Variants in DMXL1 observed in about 807,000 individuals in gnomAD.
DMXL1 encodes the protein dmX-like protein 1.
In DMXL1, 99 loss-of-function variants were observed where a neutral mutation model predicts 319.2. The observed-to-expected ratio is 0.31, with a 90% CI of 0.26 to 0.37. DMXL1 has a LOEUF of 0.37. Among genes scored for constraint, DMXL1 ranks in the 10% least tolerant of loss-of-function variants. The pLI, the probability that DMXL1 is intolerant of heterozygous loss-of-function variation, is 1.00. For missense variants in DMXL1, 3,745 were observed against 3,595.6 expected (o/e 1.04, Z -1.06); for synonymous variants, 1,385 against 1,235.2 (o/e 1.12, Z -2.54).
intron 16 of DMXL1, 122 bp from the exon 17 acceptor site, chr5:119,147,127 T>A (rs1028465879): frequency 7.1e-5 from 79 of 1,108,604 alleles, no homozygotes; most frequent in Non-Finnish European, 1.0e-4. Flanking sequence ...CTGTGAAGAA[T>A]CATATTAATA....
At position 119,245,133 on chromosome 5, in the gene DMXL1, T is replaced by TA. The variant is rs1258052778; in HGVS notation, c.8922+558dup. 4.7e-4 allele frequency among the ~76,000 whole-genome samples: 72 copies of TA among 152,318 alleles called. 1 individual carries two copies. Among genetic ancestry groups the TA allele is most frequent in the Non-Finnish European group, 8.8e-5 (6 of 68,024 alleles). Reference sequence around the variant, plus strand: ...AAATTGCTGGGTCTCACTCCAGAAATACTCAGTTGATAAGTAAGTCCAAGA... The same window carrying TA: ...AAATTGCTGGGTCTCACTCCAGAAATAACTCAGTTGATAAGTAAGTCCAAGA... On this transcript the variant is annotated intron_variant, in intron 43 of 43. Transcript: ENST00000539542.
chr5:119,194,189 A>T (rs1265198216), intron 30 of DMXL1, among the ~76,000 whole-genome samples: 1 of 152,128 alleles, frequency 6.6e-6, no homozygotes, highest in African/African-American at 2.4e-5. Flanking sequence ...TGAAATTGTT[A>T]AATTCCTTTC....
intron 2 of DMXL1, among the ~76,000 whole-genome samples, chr5:119,101,457 A>T (rs2149798280): frequency 6.6e-6 from 1 of 152,344 alleles, no homozygotes; most frequent in African/African-American, 2.4e-5. Context: ...CAATTTAAAG[A>T]GTAAATTCAA....
intron 9 of DMXL1, among the ~76,000 whole-genome samples, chr5:119,121,690 C>T (rs548379768): frequency 1.3e-5 from 2 of 152,240 alleles, no homozygotes; most frequent in Admixed American, 6.5e-5. Context: ...TCTCTCTACA[C>T]AGACACGGCA....
chr5:119,153,793 T>G (rs1194905635), intron 19 of DMXL1, among the ~76,000 whole-genome samples: 1 of 152,244 alleles, frequency 6.6e-6, no homozygotes, highest in Non-Finnish European at 1.5e-5. Flanking sequence ...ACAGGCATAC[T>G]CCTTTTTATT....
At chr5:119,159,479 C>G (rs562951806) in intron 19 of DMXL1, among the ~76,000 whole-genome samples, 1 of 152,192 alleles carries the variant, frequency 6.6e-6, no homozygotes. Flanking sequence ...TATTTCAGTT[C>G]TGGCAGGTTG....
chr5:119,224,509 G>C (rs1156968112), intron 37 of DMXL1, among the ~76,000 whole-genome samples, 200 bp from the exon 38 acceptor site: 1 of 151,968 alleles, frequency 6.6e-6, no homozygotes, highest in African/African-American at 2.4e-5. Flanking sequence ...ATCCTAGTCA[G>C]TAATGCCCAA....
At chr5:119,100,988 A>G (rs2149796124) in intron 2 of DMXL1, among the ~76,000 whole-genome samples, 1 of 151,920 alleles carries the variant, frequency 6.6e-6, no homozygotes, top group Non-Finnish European at 1.5e-5. Flanking sequence ...TCACCGTGTT[A>G]GCCAGGATGG....
At chr5:119,129,563 T>C in intron 10 of DMXL1, 140 bp downstream of exon 10, 2 of 631,090 alleles carry the variant, frequency 3.2e-6, no homozygotes, top group Non-Finnish European at 5.4e-6. Flanking sequence ...CATTTAATAA[T>C]CTAATGTAGA....
intron 1 of DMXL1, among the ~76,000 whole-genome samples, chr5:119,094,821 G>A (rs1057001679): frequency 1.3e-5 from 2 of 151,044 alleles, no homozygotes; most frequent in African/African-American, 4.9e-5. Flanking sequence ...CAAGTCTTCA[G>A]TAGAGGAAGT....
chr5:119,192,003 C>T (rs1473641989), intron 29 of DMXL1, among the ~76,000 whole-genome samples: 2 of 152,166 alleles, frequency 1.3e-5, no homozygotes, highest in Non-Finnish European at 2.9e-5. Flanking sequence ...ACTTACCAAG[C>T]TCTTTACTCA....
intron 35 of DMXL1, among the ~76,000 whole-genome samples, chr5:119,219,337 A>G (rs910363787): frequency 6.6e-6 from 1 of 152,200 alleles, no homozygotes; most frequent in Non-Finnish European, 1.5e-5. Context: ...ATACTGCAGA[A>G]AAAAGGGCAG....
At chr5:119,115,166 T>C (rs1760561609) in intron 6 of DMXL1, among the ~76,000 whole-genome samples, 1 of 152,198 alleles carries the variant, frequency 6.6e-6, no homozygotes. Flanking sequence ...ACCTACCTCA[T>C]AGGTCATTAA....
chr5:119,187,049 A>T (rs1470430747), intron 28 of DMXL1, among the ~76,000 whole-genome samples: 1 of 152,076 alleles, frequency 6.6e-6, no homozygotes, highest in African/African-American at 2.4e-5. Context: ...CGTTGTGCAC[A>T]TGTACGATAG....
rs762642726 is a variant in DMXL1, at chr5:119,149,168, G to A, written c.3341G>A (p.Ser1114Asn). ...TVLDSGISVD[S>N]NLVAYNKQDM... ...TTGGATTCTGGCATTAGTGTTGATA[G>A]CAATTTAGTGGCCTATAATAAACAA... Residue 1114 changes from serine (S) to asparagine (N), a missense_variant, in exon 18 of 44, where the codon AGC becomes AAC. Physicochemically the swap from Ser to Asn is conservative, Grantham distance 46. Transcript: ENST00000539542. 1.9e-6 allele frequency: 3 copies of A among 1,613,674 alleles called. No homozygotes were observed. Among genetic ancestry groups the A allele is most frequent in the African/African-American group, 2.7e-5 (2 of 74,894 alleles).
intron 10 of DMXL1, chr5:119,132,502 A>T (rs1235941250): frequency 2.1e-5 from 5 of 235,706 alleles, no homozygotes; most frequent in African/African-American, 6.9e-5. Flanking sequence ...AAGATGGTGA[A>T]ACCCCGTCTC....
chr5:119,233,391 C>G lies in DMXL1; in HGVS notation c.8390C>G (p.Ser2797Cys). The change falls in exon 39 of 44, where the codon TCT (serine) becomes TGT (cysteine). Residue 2797 changes from serine (S) to cysteine (C), a missense_variant. Coordinates refer to ENST00000539542, the MANE Select transcript of DMXL1 (RefSeq NM_001290321.3). ...GTCAGAATGTTTGAATGGGGCCATT[C>G]TCAACAAATAACCTGTTTTCGATCT... ...GSVRMFEWGH[S>C]QQITCFRSGG... 1.1e-5 allele frequency: 17 copies of G among 1,613,016 alleles called. No individual in the cohort carries two copies. The highest frequency in any genetic ancestry group is 1.4e-5 in the Non-Finnish European group (17 of 1,179,274).
At chr5:119,087,581 C>G (rs1452902016) in intron 1 of DMXL1, among the ~76,000 whole-genome samples, 1 of 152,020 alleles carries the variant, frequency 6.6e-6, no homozygotes, top group African/African-American at 2.4e-5. Context: ...TCAGATATGT[C>G]TCTTCTTGGG....
At chr5:119,093,429 C>T (rs1398867604) in intron 1 of DMXL1, among the ~76,000 whole-genome samples, 9 of 152,120 alleles carry the variant, frequency 5.9e-5, no homozygotes, top group Non-Finnish European at 1.5e-5. Context: ...AGCCACCATG[C>T]CTGGCCCCTT....
Sources: allele counts gnomAD v4.1 joint callset (sites outside exome capture counted in the v4.1 genomes callset), GRCh38; gene constraint gnomAD v4.1.1; transcripts MANE v1.5; gene names NCBI Gene and HGNC (gene_info 2026-07-23, HGNC 2026-07-21).